The following PRMT3 variants were observed in gnomAD, a reference collection of about 807,000 sequenced individuals.
PRMT3 encodes the protein protein arginine N-methyltransferase 3.
A neutral mutation model predicts 71.9 loss-of-function variants in PRMT3; 62 were observed. The ratio of observed to expected loss-of-function variants is 0.86; its 90% confidence interval spans 0.70 to 1.07. The LOEUF is 1.07. Among genes scored for constraint, PRMT3 ranks in the 50% least tolerant of loss-of-function variants. PRMT3 has a pLI of 0.00. For missense variants in PRMT3, 663 were observed against 643.0 expected (o/e 1.03, Z -0.34); for synonymous variants, 213 against 220.4 (o/e 0.97, Z 0.30).
chr11:20,445,967 A>G (rs761283735), intron 10 of PRMT3, among the ~76,000 whole-genome samples: 16 of 152,262 alleles, frequency 1.1e-4, no homozygotes, highest in Middle Eastern at 3.4e-3. Flanking sequence ...ATCATAGGAA[A>G]AGGTTTTTTA....
rs146212203 is a variant in PRMT3, at chr11:20,498,799, A to G, written c.1486+4545A>G. Among the ~76,000 whole-genome samples the G allele has an allele frequency of 9.1e-3, 1,393 of 152,358 alleles. 15 individuals carry two copies. The highest frequency in any genetic ancestry group is 0.024 in the Middle Eastern group (7 of 294). ...GATTAATTGAATGACATTTTGAAGT[A>G]TTGAAACTGGCAACCTAGATTCTGC... On this transcript the variant is annotated intron_variant, in intron 15 of 15. Coordinates refer to ENST00000331079, the MANE Select transcript of PRMT3 (RefSeq NM_005788.4).
intron 13 of PRMT3, among the ~76,000 whole-genome samples, chr11:20,482,812 ATGG>A (rs1565232786): frequency 1.7e-4 from 25 of 150,764 alleles, no homozygotes; most frequent in Non-Finnish European, 3.3e-4. Context: ...ATCACTCCTC[ATGG>A]AAAGACAAGT....
At chr11:20,390,316 A>G (rs988808188) in intron 3 of PRMT3, among the ~76,000 whole-genome samples, 2 of 152,226 alleles carry the variant, frequency 1.3e-5, no homozygotes, top group Non-Finnish European at 2.9e-5. Flanking sequence ...TCTAGACAAG[A>G]TTCACTGTAT....
At chr11:20,400,760 T>C (rs1366848064) in intron 7 of PRMT3, among the ~76,000 whole-genome samples, 2 of 152,258 alleles carry the variant, frequency 1.3e-5, no homozygotes, top group Admixed American at 1.3e-4. Context: ...TTCTTGATAC[T>C]TTACTAGTCT....
intron 3 of PRMT3, among the ~76,000 whole-genome samples, chr11:20,391,176 A>G (rs994720048): frequency 6.6e-6 from 1 of 152,258 alleles, no homozygotes; most frequent in Non-Finnish European, 1.5e-5. Flanking sequence ...TCACATGTTT[A>G]TAAATCATAA....
intron 13 of PRMT3, among the ~76,000 whole-genome samples, chr11:20,478,196 A>T (rs1460486383): frequency 6.6e-6 from 1 of 151,938 alleles, no homozygotes; most frequent in African/African-American, 2.4e-5. Flanking sequence ...TCTTTTTGTT[A>T]TGTTAGAGTG....
At chr11:20,421,700 T>G (rs1849428478) in intron 9 of PRMT3, among the ~76,000 whole-genome samples, 1 of 152,194 alleles carries the variant, frequency 6.6e-6, no homozygotes, top group Non-Finnish European at 1.5e-5. Context: ...CATTGAGTCC[T>G]TGGTTATTTT....
intron 13 of PRMT3, among the ~76,000 whole-genome samples, chr11:20,476,008 A>G (rs1239153580): frequency 1.3e-5 from 2 of 151,924 alleles, no homozygotes; most frequent in African/African-American, 4.8e-5. Context: ...CAAATATTAA[A>G]TGCTGACTAT....
Position 20,395,904 on chromosome 11 carries a change from A to C in PRMT3, c.502A>C (p.Arg168=). The C allele has an allele frequency of 2.5e-6, 4 of 1,614,230 alleles. No homozygotes were observed. Among genetic ancestry groups the C allele is most frequent in the Non-Finnish European group, 3.4e-6 (4 of 1,180,040 alleles). ...TGAAAAATTGAAACATATGGAAGCC[A>C]GGGCACTGTCTGCTGAAGCCGCATT... ...VVEKLKHMEA[R]ALSAEAALAR... is the part of the protein sequence containing the mutation. Residue 168 remains arginine (R), a synonymous_variant, in exon 6 of 16, where the codon AGG becomes CGG. Coordinates refer to ENST00000331079, the MANE Select transcript of PRMT3 (RefSeq NM_005788.4).
In PRMT3 at chr11:20,494,124, A is replaced by T; in HGVS notation, c.1399-43A>T. ...TAGATTAATGTACCATGATATTAAA[A>T]ATCTTGTACTTCATCAAATACCTTT... is the stretch of plus-strand genomic sequence containing the variant. On this transcript the variant is annotated intron_variant, in intron 14 of 15. Transcript: ENST00000331079. The T allele has an allele frequency of 2.0e-6, 3 of 1,534,924 alleles. No homozygotes were observed. The South Asian group carries it at 3.4e-5, about 17-fold the overall frequency.
intron 3 of PRMT3, among the ~76,000 whole-genome samples, chr11:20,390,182 A>G (rs1056738896): frequency 3.3e-5 from 5 of 152,166 alleles, no homozygotes; most frequent in African/African-American, 1.2e-4. Flanking sequence ...ATATAAGTTC[A>G]GATTTTATAG....
At chr11:20,494,025 T>G in intron 14 of PRMT3, 56 bp downstream of exon 14, 1 of 1,482,642 alleles carries the variant, frequency 6.7e-7, no homozygotes, top group Non-Finnish European at 9.3e-7. Context: ...ACATTATATT[T>G]TATTTTGTGC....
At position 20,488,782 on chromosome 11, in the gene PRMT3, T is replaced by C. The variant is rs932303206; in HGVS notation, c.1348-5137T>C. Among the ~76,000 whole-genome samples the C allele has an allele frequency of 2.0e-5, 3 of 152,182 alleles. No individual in the cohort carries two copies. In the East Asian group the frequency reaches 5.8e-4, roughly 29 times the overall value. Reference sequence around the variant, plus strand: ...TAAAGAAATATTCATCACACTAAAATACCTGAGAAAGTCATTTTTTATCCC... The same window carrying C: ...TAAAGAAATATTCATCACACTAAAACACCTGAGAAAGTCATTTTTTATCCC... On this transcript the variant is annotated intron_variant, in intron 13 of 15. Transcript: ENST00000331079.
chr11:20,437,676 G>A (rs1433134557), intron 10 of PRMT3, among the ~76,000 whole-genome samples: 1 of 151,782 alleles, frequency 6.6e-6, no homozygotes, highest in African/African-American at 2.4e-5. Context: ...TGCAAGCTCC[G>A]CCTCCCTGGT....
At chr11:20,505,783 T>TCATTGTTCATTAGTTATTATAGAATAA (rs1851576889) in intron 15 of PRMT3, among the ~76,000 whole-genome samples, 1 of 152,014 alleles carries the variant, frequency 6.6e-6, no homozygotes, top group Non-Finnish European at 1.5e-5. Flanking sequence ...AAAACGTGTA[T>TCATTGTTCATTAGTTATTATAGAATAA]CATTGTTCAT....
chr11:20,428,814 C>T (rs550671432), intron 10 of PRMT3, among the ~76,000 whole-genome samples: 1 of 152,310 alleles, frequency 6.6e-6, no homozygotes, highest in Non-Finnish European at 1.5e-5. Flanking sequence ...GAAGCCAGGG[C>T]ATTTCTTCCC....
rs139576705 is a variant in PRMT3 at position 20,407,990 on chromosome 11, T to C, written c.851T>C (p.Val284Ala). The change falls in exon 9 of 16, where the codon GTT becomes GCT. Residue 284 changes from valine to alanine, a missense_variant. Physicochemically the swap from Val to Ala is moderately conservative, Grantham distance 64. Coordinates refer to ENST00000331079, the MANE Select transcript of PRMT3 (RefSeq NM_005788.4). Reference sequence around the variant, plus strand: ...GCTGGGGCGAAGAAGGTTCTTGGAGTTGATCAATCTGAAATACTTTACCAG... The same window carrying C: ...GCTGGGGCGAAGAAGGTTCTTGGAGCTGATCAATCTGAAATACTTTACCAG... ...AKAGAKKVLG[V>A]DQSEILYQAM... The C allele has an allele frequency of 3.1e-6, 5 of 1,598,824 alleles. No individual in the cohort carries two copies. The African/African-American group carries it at 6.7e-5, about 21-fold the overall frequency.
rs749945910 is a variant in PRMT3 at position 20,451,494 on chromosome 11, G to GTT, written c.994-626_994-625dup. Reference sequence around the variant, plus strand: ...TAAGGATCCCTCCACTTTCTTTTTTGTTTTTTTTTTTAATACCAAAAAGAA... The same window carrying GTT: ...TAAGGATCCCTCCACTTTCTTTTTTGTTTTTTTTTTTTTAATACCAAAAAGAA... On this transcript the variant is annotated intron_variant, in intron 10 of 15. Coordinates refer to ENST00000331079, the MANE Select transcript of PRMT3 (RefSeq NM_005788.4). 9.2e-3 allele frequency among the ~76,000 whole-genome samples: 1,315 copies of GTT among 143,292 alleles called. 17 individuals are homozygous for GTT. The highest frequency in any genetic ancestry group is 0.032 in the African/African-American group (1,275 of 39,452). 94.0% of individuals were successfully genotyped at this position (143,292 alleles called of 152,430 possible). A position where few individuals can be genotyped will look rare whatever the true frequency, so the allele number is the denominator to read the frequency against.
chr11:20,457,333 A>C (rs1850288158), intron 11 of PRMT3, among the ~76,000 whole-genome samples: 1 of 152,082 alleles, frequency 6.6e-6, no homozygotes, highest in Admixed American at 6.5e-5. Context: ...CCATTTGAAA[A>C]GCATTAAAAT....
Sources: gnomAD v4.1 joint callset for allele counts (sites outside exome capture counted in the v4.1 genomes callset) on GRCh38, gnomAD v4.1.1 for gene constraint, MANE v1.5 for transcripts, NCBI Gene and HGNC (gene_info 2026-07-23, HGNC 2026-07-21) for gene names.